MDFIC: variants seen among roughly 807,000 people sequenced by gnomAD.
The protein encoded by MDFIC is myoD family inhibitor domain-containing protein.
MDFIC carries 17 observed loss-of-function variants against 23.2 expected under a neutral mutation model. The observed-to-expected ratio is 0.73, with a 90% confidence interval of 0.50 to 1.10. The LOEUF is 1.10. MDFIC is among the 50% of genes least tolerant of loss of function. The pLI, the probability that MDFIC is intolerant of heterozygous loss-of-function variation, is 0.00. For synonymous variants in MDFIC, 120 were observed against 115.2 expected (o/e 1.04, Z -0.27); for missense variants, 356 against 316.6 (o/e 1.12, Z -0.95).
At position 115,015,812 on chromosome 7, in the gene MDFIC, C is replaced by T. The variant is rs552071640; in HGVS notation, c.618C>T (p.Asp206=). 5.0e-6 allele frequency: 8 copies of T among 1,614,104 alleles called. No homozygotes were observed. Among genetic ancestry groups the T allele is most frequent in the East Asian group, 4.5e-5 (2 of 44,878 alleles). The change falls in exon 5 of 5, where the codon GAC becomes GAT. Residue 206 remains aspartate (D), a synonymous_variant. Coordinates refer to ENST00000393486, the MANE Select transcript of MDFIC (RefSeq NM_001166345.3). ...AAGCCTGCTGCTGTTGCTGTGGTGA[C>T]GAGATGGGGGATGATTGTAACTGCC... The part of the protein sequence containing the change: ...TSEACCCCCG[D]EMGDDCNCPC...
At chr7:115,004,028 A>C (rs1037511039) in intron 4 of MDFIC, among the ~76,000 whole-genome samples, 1 of 152,326 alleles carries the variant, frequency 6.6e-6, no homozygotes, top group Non-Finnish European at 1.5e-5. Flanking sequence ...GCACTATATA[A>C]AAGGTTGCTA....
rs1219509724 is a variant in MDFIC, at chr7:115,018,048, C to G, written c.*2113C>G. On this transcript the variant is annotated 3_prime_UTR_variant, in exon 5 of 5. Transcript: ENST00000393486. ...TTTTATTGCTATTTACACATACATACACACATACAAAACCTTTAAATTTTG... is the reference window on the plus strand; with the variant it reads ...TTTTATTGCTATTTACACATACATAGACACATACAAAACCTTTAAATTTTG... The G allele has an allele frequency of 1.3e-5, 2 of 152,002 alleles. No homozygotes were observed. Among genetic ancestry groups the G allele is most frequent in the African/African-American group, 4.8e-5 (2 of 41,456 alleles). 9.4% of individuals were successfully genotyped at this position (152,002 alleles called of 1,614,324 possible).
At chr7:114,943,244 GT>G (rs1792582583) in intron 3 of MDFIC, among the ~76,000 whole-genome samples, 1 of 152,080 alleles carries the variant, frequency 6.6e-6, no homozygotes, top group South Asian at 2.1e-4. Context: ...TTTAGTTTAA[GT>G]AACTTCATAC....
chr7:114,966,308 T>C (rs1217050457), intron 3 of MDFIC, among the ~76,000 whole-genome samples: 2 of 152,074 alleles, frequency 1.3e-5, no homozygotes, highest in African/African-American at 4.8e-5. Context: ...GCCACTGGGC[T>C]TGGCTGTGCT....
intron 3 of MDFIC, among the ~76,000 whole-genome samples, chr7:114,979,006 G>T (rs1793368278): frequency 6.6e-6 from 1 of 152,012 alleles, no homozygotes; most frequent in Non-Finnish European, 1.5e-5. Flanking sequence ...TTCACAATGG[G>T]ATTTTTTTTA....
At chr7:115,008,255 A>G (rs1791611627) in intron 4 of MDFIC, among the ~76,000 whole-genome samples, 1 of 151,262 alleles carries the variant, frequency 6.6e-6, no homozygotes, top group Non-Finnish European at 1.5e-5. Context: ...GTAGTAGGAA[A>G]CTTATTGAGG....
intron 3 of MDFIC, among the ~76,000 whole-genome samples, chr7:114,952,921 C>T (rs188871376): frequency 6.6e-6 from 1 of 152,262 alleles, no homozygotes; most frequent in African/African-American, 2.4e-5. Flanking sequence ...ACAAAGGAGA[C>T]TGATAATGTA....
intron 3 of MDFIC, among the ~76,000 whole-genome samples, chr7:114,969,981 A>T (rs1357344918): frequency 2.0e-5 from 3 of 152,214 alleles, no homozygotes; most frequent in Non-Finnish European, 4.4e-5. Context: ...CTGGATAGGC[A>T]GAACGTAGGA....
At chr7:114,954,570 T>A (rs897626230) in intron 3 of MDFIC, among the ~76,000 whole-genome samples, 1 of 152,232 alleles carries the variant, frequency 6.6e-6, no homozygotes. Context: ...CAGTTTTTAG[T>A]TGGTTTCCAT....
intron 4 of MDFIC, among the ~76,000 whole-genome samples, chr7:114,991,055 A>G (rs1791147465): frequency 6.6e-6 from 1 of 151,828 alleles, no homozygotes; most frequent in South Asian, 2.1e-4. Flanking sequence ...CTGGTGTGAG[A>G]TGGTATCTCA....
At position 114,967,678 on chromosome 7, in the gene MDFIC, T is replaced by TA. The variant is rs201518147; in HGVS notation, c.218-11819dup. On this transcript the variant is annotated intron_variant, in intron 3 of 4. Coordinates refer to ENST00000393486, the MANE Select transcript of MDFIC (RefSeq NM_001166345.3). ...GAATGGTGCCTGGCACCATAGTATA[T>TA]AAAAAAAAATTTATAATAATGTATT... Among the ~76,000 whole-genome samples the TA allele has an allele frequency of 1.6e-3, 246 of 151,788 alleles. 5 individuals are homozygous for TA. The highest frequency in any genetic ancestry group is 0.012 in the Admixed American group (188 of 15,208).
chr7:114,939,210 C>T (rs1379562950), intron 2 of MDFIC, among the ~76,000 whole-genome samples: 3 of 152,140 alleles, frequency 2.0e-5, no homozygotes, highest in Non-Finnish European at 4.4e-5. Context: ...CAAGTGGTCA[C>T]AGAAGTTTTG....
intron 2 of MDFIC, among the ~76,000 whole-genome samples, chr7:114,938,178 A>T (rs1368430552): frequency 6.6e-6 from 1 of 151,880 alleles, no homozygotes; most frequent in Admixed American, 6.6e-5. Flanking sequence ...CTGGTCTCGA[A>T]CTCCTGACCT....
At chr7:115,002,508 A>T (rs1342400996) in intron 4 of MDFIC, among the ~76,000 whole-genome samples, 1 of 152,186 alleles carries the variant, frequency 6.6e-6, no homozygotes, top group East Asian at 1.9e-4. Flanking sequence ...CAGTTTGGGG[A>T]CACAGCAGTG....
chr7:114,936,544 G>A (rs1433471500), intron 2 of MDFIC, among the ~76,000 whole-genome samples: 4 of 152,176 alleles, frequency 2.6e-5, no homozygotes, highest in African/African-American at 9.6e-5. Context: ...TGACTTGATA[G>A]CAGATTTATG....
At chr7:114,948,925 A>G (rs145797527) in intron 3 of MDFIC, among the ~76,000 whole-genome samples, 2 of 152,282 alleles carry the variant, frequency 1.3e-5, no homozygotes, top group East Asian at 3.9e-4. Context: ...AGATGTTTCT[A>G]TGTATACTTC....
chr7:115,013,177 G>A (rs1791714974), intron 4 of MDFIC, among the ~76,000 whole-genome samples: 1 of 152,072 alleles, frequency 6.6e-6, no homozygotes, highest in Non-Finnish European at 1.5e-5. Context: ...ATATTTTTTA[G>A]GGGTGTGTAC....
At chr7:114,938,653 G>A (rs1208273868) in intron 2 of MDFIC, among the ~76,000 whole-genome samples, 2 of 152,120 alleles carry the variant, frequency 1.3e-5, no homozygotes, top group Non-Finnish European at 2.9e-5. Flanking sequence ...GATAATGAAG[G>A]CCCCCTTTTA....
Position 114,943,440 on chromosome 7 carries a change from T to A in MDFIC, c.217+1043T>A, listed in dbSNP as rs1310924462. Reference sequence around the variant, plus strand: ...AATAAAAACACTATTGAAGGAAATTTCCAGGTTTCAAACAAAAGCTCTAAA... The same window carrying A: ...AATAAAAACACTATTGAAGGAAATTACCAGGTTTCAAACAAAAGCTCTAAA... On this transcript the variant is annotated intron_variant, in intron 3 of 4. Coordinates refer to ENST00000393486, the MANE Select transcript of MDFIC (RefSeq NM_001166345.3). Among the ~76,000 whole-genome samples, 185 of 152,248 alleles carry A rather than the reference T, an allele frequency of 1.2e-3. 3 individuals are homozygous for A. Among genetic ancestry groups the A allele is most frequent in the Non-Finnish European group, 2.6e-4 (18 of 68,004 alleles).
Sources: gnomAD v4.1 joint callset for allele counts (sites outside exome capture counted in the v4.1 genomes callset) on GRCh38, gnomAD v4.1.1 for gene constraint, MANE v1.5 for transcripts, NCBI Gene and HGNC (gene_info 2026-07-23, HGNC 2026-07-21) for gene names.